Variants in TTC28 observed in about 807,000 individuals in gnomAD.
The protein encoded by TTC28 is tetratricopeptide repeat protein 28.
TTC28 carries 61 observed loss-of-function variants against 198.0 expected under a neutral mutation model. The observed-to-expected ratio is 0.31, with a 90% CI of 0.25 to 0.38. The LOEUF (loss-of-function observed/expected upper bound fraction) is 0.38. TTC28 is among the 10% of genes least tolerant of loss of function. TTC28 has a pLI of 1.00. For synonymous variants in TTC28, 1,171 were observed against 1,297.8 expected (o/e 0.90, Z 2.10); for missense variants, 2,678 against 3,164.0 (o/e 0.85, Z 3.69).
At chr22:28,011,286 C>T (rs1601514580) in intron 14 of TTC28, among the ~76,000 whole-genome samples, 1 of 152,292 alleles carries the variant, frequency 6.6e-6, no homozygotes, top group Non-Finnish European at 1.5e-5. Flanking sequence ...CTTTTCATAA[C>T]TTCGGGGAAT....
At position 28,110,467 on chromosome 22, in the gene TTC28, A is replaced by G. The variant is rs1942451368; in HGVS notation, c.1442-2064T>C. On this transcript the variant is annotated intron_variant, in intron 6 of 22. Coordinates refer to ENST00000397906, the MANE Select transcript of TTC28 (RefSeq NM_001145418.2). ...CTGTAAAACTGCAGAGTGAAATTGC[A>G]ATATTAGTTATTGAAATTATTCCCT... 2.0e-5 allele frequency among the ~76,000 whole-genome samples: 3 copies of G among 152,250 alleles called. No homozygotes were observed. In the South Asian group the frequency reaches 6.2e-4, roughly 32 times the overall value.
intron 12 of TTC28, among the ~76,000 whole-genome samples, chr22:28,066,491 C>T (rs531076134): frequency 9.9e-5 from 15 of 152,112 alleles, no homozygotes; most frequent in African/African-American, 3.4e-4. Flanking sequence ...CTCATTTCCC[C>T]CACCCCCAAA....
chr22:28,168,161 G>T (rs1922236836), intron 5 of TTC28, among the ~76,000 whole-genome samples: 1 of 152,138 alleles, frequency 6.6e-6, no homozygotes, highest in Admixed American at 6.5e-5. Context: ...ACTGCTCAAT[G>T]AAACAAAAGA....
chr22:28,410,697 G>A (rs2047067823), intron 2 of TTC28, among the ~76,000 whole-genome samples: 1 of 151,904 alleles, frequency 6.6e-6, no homozygotes, highest in East Asian at 1.9e-4. Flanking sequence ...GCAATATAAG[G>A]AAAACAAAAC....
intron 2 of TTC28, among the ~76,000 whole-genome samples, chr22:28,611,263 T>A (rs1302408383): frequency 1.3e-5 from 2 of 152,008 alleles, no homozygotes; most frequent in East Asian, 1.9e-4. Flanking sequence ...CACATAATCG[T>A]CAGATTTACC....
intron 5 of TTC28, among the ~76,000 whole-genome samples, chr22:28,191,554 A>G (rs908494406): frequency 2.6e-5 from 4 of 152,216 alleles, no homozygotes; most frequent in African/African-American, 7.2e-5. Flanking sequence ...AGAAAGGGGT[A>G]ACAGATGGCA....
intron 2 of TTC28, among the ~76,000 whole-genome samples, chr22:28,538,422 G>A (rs1246844783): frequency 6.6e-6 from 1 of 151,876 alleles, no homozygotes; most frequent in East Asian, 2.0e-4. Context: ...GACTATCTGT[G>A]ATAGTATAAA....
At chr22:27,990,946 G>T in intron 19 of TTC28, 134 bp from the exon 20 acceptor site, 1 of 843,432 alleles carries the variant, frequency 1.2e-6, no homozygotes, top group Non-Finnish European at 1.8e-6. Flanking sequence ...CTCTGACTGG[G>T]AGGGGAGAGG....
intron 2 of TTC28, among the ~76,000 whole-genome samples, chr22:28,479,361 G>C (rs569822967): frequency 2.6e-5 from 4 of 152,270 alleles, no homozygotes; most frequent in African/African-American, 9.6e-5. Flanking sequence ...CATCAGAAAT[G>C]ACTACAAACC....
intron 12 of TTC28, among the ~76,000 whole-genome samples, chr22:28,042,587 G>C (rs1048914953): frequency 7.9e-5 from 12 of 152,042 alleles, no homozygotes. Context: ...GTCAGGGGGT[G>C]GGGGACTGGA....
chr22:28,654,360 G>A (rs538828000), intron 1 of TTC28, among the ~76,000 whole-genome samples: 5 of 152,126 alleles, frequency 3.3e-5, no homozygotes, highest in African/African-American at 4.8e-5. Context: ...GCGGAGTCTC[G>A]CTCTGTCACC....
At position 28,558,606 on chromosome 22, in the gene TTC28, C is replaced by T. The variant is rs181653442; in HGVS notation, c.381+70946G>A. Among the ~76,000 whole-genome samples, 21 of 152,172 alleles carry T rather than the reference C, an allele frequency of 1.4e-4. No individual in the cohort carries two copies. The East Asian group carries it at 2.9e-3, about 21-fold the overall frequency. On this transcript the variant is annotated intron_variant, in intron 2 of 22. Coordinates refer to ENST00000397906, the MANE Select transcript of TTC28 (RefSeq NM_001145418.2). ...AGGAGAATCGCTTGAACCCCGGAGG[C>T]GGAGGTTGCAGTGAGCTGAGATCGC...
intron 2 of TTC28, among the ~76,000 whole-genome samples, chr22:28,409,663 CTTTTTT>C (rs752670702): frequency 2.9e-5 from 4 of 140,032 alleles, no homozygotes; most frequent in Admixed American, 7.2e-5. Context: ...TTTTCTTTTT[CTTTTTT>C]TTTTTTTTGA....
intron 2 of TTC28, among the ~76,000 whole-genome samples, chr22:28,602,064 C>T (rs1385177799): frequency 6.6e-6 from 1 of 152,100 alleles, no homozygotes. Context: ...GGCAAGCAGT[C>T]CAGACTAGCA....
intron 2 of TTC28, among the ~76,000 whole-genome samples, chr22:28,581,404 T>C (rs1485751305): frequency 3.9e-5 from 6 of 152,188 alleles, no homozygotes; most frequent in Non-Finnish European, 5.9e-5. Flanking sequence ...CGACATCCTT[T>C]GAGATAATAC....
At chr22:28,285,296 A>G (rs574238908) in intron 5 of TTC28, among the ~76,000 whole-genome samples, 3 of 152,240 alleles carry the variant, frequency 2.0e-5, no homozygotes, top group Non-Finnish European at 4.4e-5. Flanking sequence ...AGAAACAGAA[A>G]GACAAATACT....
At chr22:28,579,448 T>C (rs1306640250) in intron 2 of TTC28, among the ~76,000 whole-genome samples, 2 of 148,830 alleles carry the variant, frequency 1.3e-5, no homozygotes, top group African/African-American at 4.9e-5. Context: ...TATATACGTA[T>C]AACTATATAC....
At chr22:28,383,775 T>A (rs776476071) in intron 2 of TTC28, among the ~76,000 whole-genome samples, 3 of 152,214 alleles carry the variant, frequency 2.0e-5, no homozygotes, top group South Asian at 2.1e-4. Flanking sequence ...GGCCTCCCAA[T>A]TGGAATTGGC....
chr22:28,209,423 G>T (rs1243059264), intron 5 of TTC28, among the ~76,000 whole-genome samples: 2 of 152,138 alleles, frequency 1.3e-5, no homozygotes, highest in South Asian at 2.1e-4. Context: ...CTGGAAAATC[G>T]GGACATTCCC....
Sources: gnomAD v4.1 joint callset for allele counts (sites outside exome capture counted in the v4.1 genomes callset) on GRCh38, gnomAD v4.1.1 for gene constraint, MANE v1.5 for transcripts, NCBI Gene and HGNC (gene_info 2026-07-23, HGNC 2026-07-21) for gene names.